The following KCNIP4 variants were observed in gnomAD, a reference collection of about 807,000 sequenced individuals.
The protein encoded by KCNIP4 is Kv channel-interacting protein 4.
In KCNIP4, 12 loss-of-function variants were observed where a neutral mutation model predicts 34.0. The observed-to-expected ratio is 0.35, with a 90% CI of 0.23 to 0.57. The LOEUF (loss-of-function observed/expected upper bound fraction) is 0.57. Among genes scored for constraint, KCNIP4 ranks in the 20% least tolerant of loss-of-function variants. The pLI, the probability that KCNIP4 is intolerant of heterozygous loss-of-function variation, is 0.83. For missense variants in KCNIP4, 238 were observed against 311.7 expected (o/e 0.76, Z 1.78); for synonymous variants, 124 against 102.2 (o/e 1.21, Z -1.29).
At chr4:21,872,722 T>C (rs932844810) in intron 1 of KCNIP4, among the ~76,000 whole-genome samples, 1 of 152,232 alleles carries the variant, frequency 6.6e-6, no homozygotes, top group East Asian at 1.9e-4. Context: ...ATCTAATTTA[T>C]TTCATTTCAG....
intron 1 of KCNIP4, among the ~76,000 whole-genome samples, chr4:21,662,388 T>C (rs1252819476): frequency 6.6e-6 from 1 of 152,218 alleles, no homozygotes; most frequent in African/African-American, 2.4e-5. Flanking sequence ...TACCAATACA[T>C]ATCACAGAAT....
chr4:20,731,368 C>T, intron 8 of KCNIP4: 1 of 983,680 alleles, frequency 1.0e-6, no homozygotes, highest in African/African-American at 1.7e-5. Flanking sequence ...GCTACTGTAC[C>T]AGGCCTTAAC....
At chr4:20,976,249 T>C (rs1306611248) in intron 1 of KCNIP4, among the ~76,000 whole-genome samples, 1 of 152,182 alleles carries the variant, frequency 6.6e-6, no homozygotes, top group African/African-American at 2.4e-5. Context: ...CCAGATTTAC[T>C]GAATTGGAAA....
At chr4:21,187,046 G>A (rs1032741388) in intron 1 of KCNIP4, among the ~76,000 whole-genome samples, 30 of 152,276 alleles carry the variant, frequency 2.0e-4, no homozygotes, top group South Asian at 6.2e-4. Flanking sequence ...AACTCCATAT[G>A]TTTGGCTTAA....
chr4:21,924,298 C>T lies in KCNIP4; in HGVS notation c.61+24273G>A, dbSNP rs181173201. On this transcript the variant is annotated intron_variant, in intron 1 of 8. Transcript: ENST00000382152. ...TCGCTCTGTCGCCCAGGCTGGAGTG[C>T]AGTGGTGTGATCTCGGCTCACCGCA... Among the ~76,000 whole-genome samples, 118 of 141,230 alleles carry T rather than the reference C, an allele frequency of 8.4e-4. 1 individual carries two copies. The East Asian group carries it at 0.02, about 24-fold the overall frequency. 92.7% of individuals were successfully genotyped at this position (141,230 alleles called of 152,430 possible). A position where few individuals can be genotyped will look rare whatever the true frequency, so the allele number is the denominator to read the frequency against.
At chr4:21,007,752 G>A (rs747699663) in intron 1 of KCNIP4, among the ~76,000 whole-genome samples, 6 of 152,150 alleles carry the variant, frequency 3.9e-5, no homozygotes, top group Admixed American at 6.5e-5. Context: ...CCAAAGGGAA[G>A]CCCTGATTTT....
intron 1 of KCNIP4, among the ~76,000 whole-genome samples, chr4:21,929,738 C>T (rs1477255567): frequency 6.6e-6 from 1 of 152,154 alleles, no homozygotes; most frequent in African/African-American, 2.4e-5. Flanking sequence ...CATATCCAAG[C>T]CCACTGCAAT....
chr4:21,486,558 C>T (rs568192638), intron 1 of KCNIP4, among the ~76,000 whole-genome samples: 1 of 152,224 alleles, frequency 6.6e-6, no homozygotes, highest in South Asian at 2.1e-4. Context: ...TTCTAACCCT[C>T]CATAATTTAT....
chr4:21,551,104 G>A (rs1738543384), intron 1 of KCNIP4, among the ~76,000 whole-genome samples: 1 of 152,090 alleles, frequency 6.6e-6, no homozygotes, highest in African/African-American at 2.4e-5. Flanking sequence ...GAGAAAAATG[G>A]AGATAGACGT....
At chr4:21,232,592 T>C (rs1396071305) in intron 1 of KCNIP4, among the ~76,000 whole-genome samples, 1 of 152,154 alleles carries the variant, frequency 6.6e-6, no homozygotes, top group Non-Finnish European at 1.5e-5. Flanking sequence ...ATTTACTATG[T>C]ATTAGAACAC....
At position 21,536,948 on chromosome 4, in the gene KCNIP4, T is replaced by C. The variant is rs16871334; in HGVS notation, c.61+411623A>G. 9.8e-3 allele frequency among the ~76,000 whole-genome samples: 1,497 copies of C among 152,276 alleles called. 27 individuals are homozygous for C. Among genetic ancestry groups the C allele is most frequent in the African/African-American group, 0.033 (1,379 of 41,550 alleles). ...AGCCAAAATCTATATTTTATTCTAT[T>C]ACACTCTGCTGTTTCCAAAACAGGC... On this transcript the variant is annotated intron_variant, in intron 1 of 8. Transcript: ENST00000382152.
intron 1 of KCNIP4, among the ~76,000 whole-genome samples, chr4:21,702,088 G>A (rs1365782205): frequency 6.6e-6 from 1 of 152,182 alleles, no homozygotes; most frequent in East Asian, 1.9e-4. Context: ...TTCAATGCAG[G>A]CTGCTACAAC....
intron 1 of KCNIP4, among the ~76,000 whole-genome samples, chr4:21,604,561 A>T (rs2109128900): frequency 6.6e-6 from 1 of 152,182 alleles, no homozygotes; most frequent in South Asian, 2.1e-4. Context: ...GGACCTTGGC[A>T]AATTGCAGGA....
intron 1 of KCNIP4, among the ~76,000 whole-genome samples, chr4:21,519,739 TG>T (rs1252201468): frequency 8.4e-6 from 1 of 118,614 alleles, no homozygotes; most frequent in Admixed American, 8.6e-5. Flanking sequence ...TGTATATGTA[TG>T]ATACACACGT....
chr4:21,887,347 G>C (rs552017389), intron 1 of KCNIP4, among the ~76,000 whole-genome samples: 1 of 152,168 alleles, frequency 6.6e-6, no homozygotes, highest in Admixed American at 6.6e-5. Context: ...TCACTTGGAG[G>C]GGCGCAGAAA....
chr4:20,745,823 T>C (rs962004806), intron 5 of KCNIP4, among the ~76,000 whole-genome samples: 12 of 152,140 alleles, frequency 7.9e-5, no homozygotes, highest in African/African-American at 2.2e-4. Context: ...TCCCTGCCAA[T>C]CAAAGACTGC....
At chr4:21,070,388 A>AT (rs956113767) in intron 1 of KCNIP4, among the ~76,000 whole-genome samples, 41 of 139,076 alleles carry the variant, frequency 2.9e-4, no homozygotes, top group African/African-American at 5.0e-4. Context: ...GTATGTTTAG[A>AT]TTTTTTTTTT....
chr4:21,005,906 A>AT (rs373746219), intron 1 of KCNIP4, among the ~76,000 whole-genome samples: 267 of 152,236 alleles, frequency 1.8e-3, no homozygotes, highest in African/African-American at 6.0e-3. Context: ...TGACATTTGC[A>AT]TTTTTTCTGA....
chr4:21,672,950 A>T (rs35244957), intron 1 of KCNIP4, among the ~76,000 whole-genome samples: 50 of 152,358 alleles, frequency 3.3e-4, no homozygotes, highest in South Asian at 3.1e-3. Context: ...AGGTTTCTCC[A>T]GAGGGAGACA....
Sources: gnomAD v4.1 joint callset for allele counts (sites outside exome capture counted in the v4.1 genomes callset) on GRCh38, gnomAD v4.1.1 for gene constraint, MANE v1.5 for transcripts, NCBI Gene and HGNC (gene_info 2026-07-23, HGNC 2026-07-21) for gene names.